The following HORMAD2 variants were observed in gnomAD, a reference collection of about 807,000 sequenced individuals.
The protein encoded by HORMAD2 is HORMA domain-containing protein 2.
HORMAD2 carries 45 observed loss-of-function variants against 38.8 expected under a neutral mutation model. The ratio of observed to expected loss-of-function variants is 1.16; its 90% CI spans 0.91 to 1.49. The LOEUF is 1.49. HORMAD2 is among the 40% of genes most tolerant of loss of function. The pLI is 0.00. For missense variants in HORMAD2, 338 were observed against 367.0 expected (o/e 0.92, Z 0.65); for synonymous variants, 126 against 122.8 (o/e 1.03, Z -0.17).
chr22:30,189,216 G>A, the HORMAD2 span, among the ~76,000 whole-genome samples: 1 of 152,010 alleles, frequency 6.6e-6, no homozygotes, highest in Non-Finnish European at 1.5e-5. Flanking sequence ...TTCGCTTCTA[G>A]TCTTGGGGGA....
At chr22:30,184,426 T>C in the HORMAD2 span, among the ~76,000 whole-genome samples, 1 of 152,230 alleles carries the variant, frequency 6.6e-6, no homozygotes, top group Non-Finnish European at 1.5e-5. Context: ...TTTCACTCAC[T>C]GATGGAGTTT....
chr22:30,131,730 A>C (rs990171546), intron 10 of HORMAD2, among the ~76,000 whole-genome samples: 1 of 152,194 alleles, frequency 6.6e-6, no homozygotes, highest in African/African-American at 2.4e-5. Flanking sequence ...GTGTAATAAA[A>C]ATGGTTTGCA....
intron 1 of HORMAD2, among the ~76,000 whole-genome samples, chr22:30,090,011 A>G (rs577976379): frequency 1.7e-4 from 26 of 152,328 alleles, no homozygotes; most frequent in Admixed American, 3.3e-4. Flanking sequence ...TTCACTTAGC[A>G]TAATGTTTTC....
intron 2 of HORMAD2, 72 bp downstream of exon 2, chr22:30,094,075 T>TTG (rs1415265525): frequency 5.4e-6 from 6 of 1,113,268 alleles, no homozygotes; most frequent in South Asian, 2.9e-5. Flanking sequence ...TTTTAATCTT[T>TTG]TGTGTGTGTG....
chr22:30,177,473 T>A (rs138468367), downstream of HORMAD2, among the ~76,000 whole-genome samples: 17 of 152,286 alleles, frequency 1.1e-4, no homozygotes, highest in Admixed American at 7.8e-4. Context: ...GAGGAGCATT[T>A]CCCCTTCTTT....
Position 30,121,490 on chromosome 22 carries a change from C to T in HORMAD2, c.411-142C>T, listed in dbSNP as rs1250428901. The T allele has an allele frequency of 2.1e-5, 12 of 576,976 alleles. No homozygotes were observed. The East Asian group carries it at 2.9e-4, about 14-fold the overall frequency. The allele number at this position is 576,976 out of a possible 1,614,324, so 35.7% of individuals were successfully genotyped here. ...ATACATTGCAAAAAGTACCATCGCT[C>T]CCCTAATTTACATTCTAAAAAAGTC... On this transcript the variant is annotated intron_variant, in intron 8 of 10. Transcript: ENST00000336726.
At chr22:30,123,643 G>GTATTTATTTATT (rs71198526) in intron 10 of HORMAD2, among the ~76,000 whole-genome samples, 1 of 145,256 alleles carries the variant, frequency 6.9e-6, no homozygotes, top group Non-Finnish European at 1.5e-5. Context: ...CCTCAGCTAG[G>GTATTTATTTATT]TATTTATTTA....
At chr22:30,205,420 C>T in the HORMAD2 span, among the ~76,000 whole-genome samples, 5 of 152,176 alleles carry the variant, frequency 3.3e-5, no homozygotes, top group Non-Finnish European at 7.4e-5. Context: ...TGACCTCAGC[C>T]AGCTACCTCG....
intron 5 of HORMAD2, among the ~76,000 whole-genome samples, chr22:30,105,727 T>C (rs989029169): frequency 2.6e-5 from 4 of 152,242 alleles, no homozygotes; most frequent in Non-Finnish European, 4.4e-5. Context: ...GATCAGCTGT[T>C]ACATACTGAC....
At chr22:30,156,374 G>A (rs1925073984) in intron 10 of HORMAD2, among the ~76,000 whole-genome samples, 1 of 152,114 alleles carries the variant, frequency 6.6e-6, no homozygotes. Flanking sequence ...AAATACTGTA[G>A]CAATCAGTGG....
intron 10 of HORMAD2, among the ~76,000 whole-genome samples, chr22:30,149,851 T>C (rs1924642562): frequency 6.6e-6 from 1 of 152,212 alleles, no homozygotes; most frequent in Non-Finnish European, 1.5e-5. Context: ...AGAAGACAAT[T>C]ATTTTTCATG....
chr22:30,123,152 A>T (rs1476213424), intron 10 of HORMAD2, among the ~76,000 whole-genome samples: 3 of 152,208 alleles, frequency 2.0e-5, no homozygotes, highest in African/African-American at 7.2e-5. Flanking sequence ...TAAATAATAT[A>T]ACCAAACAAG....
chr22:30,125,155 C>T (rs1245516558), intron 10 of HORMAD2, among the ~76,000 whole-genome samples: 11 of 145,648 alleles, frequency 7.6e-5, no homozygotes, highest in Admixed American at 3.4e-4. Context: ...CTTTTTCACT[C>T]ATTTATGTTG....
the HORMAD2 span, among the ~76,000 whole-genome samples, chr22:30,201,159 A>G: frequency 6.6e-6 from 1 of 152,162 alleles, no homozygotes; most frequent in Non-Finnish European, 1.5e-5. Flanking sequence ...TGCCTCTCCT[A>G]GCTTCCAGTG....
At chr22:30,091,204 C>T (rs1415036668) in intron 1 of HORMAD2, among the ~76,000 whole-genome samples, 1 of 151,228 alleles carries the variant, frequency 6.6e-6, no homozygotes, top group Non-Finnish European at 1.5e-5. Flanking sequence ...GTATATATAT[C>T]CTTTCCTTCC....
At chr22:30,201,154 C>T in the HORMAD2 span, among the ~76,000 whole-genome samples, 1 of 152,178 alleles carries the variant, frequency 6.6e-6, no homozygotes, top group Non-Finnish European at 1.5e-5. Flanking sequence ...TTCGATGCCT[C>T]TCCTAGCTTC....
At chr22:30,156,405 T>C (rs1038804498) in intron 10 of HORMAD2, among the ~76,000 whole-genome samples, 3 of 152,204 alleles carry the variant, frequency 2.0e-5, no homozygotes, top group Admixed American at 6.5e-5. Context: ...AAATCATTTT[T>C]GAAAGAACAC....
intron 10 of HORMAD2, among the ~76,000 whole-genome samples, chr22:30,124,237 T>C (rs942215036): frequency 1.3e-5 from 2 of 148,870 alleles, no homozygotes; most frequent in Admixed American, 1.4e-4. Flanking sequence ...CTTTTTGTTT[T>C]CCTTCATGGA....
chr22:30,132,739 C>T (rs1053446988), intron 10 of HORMAD2, among the ~76,000 whole-genome samples: 3 of 152,090 alleles, frequency 2.0e-5, no homozygotes, highest in African/African-American at 7.2e-5. Flanking sequence ...TTGACTTTCC[C>T]ATCAGTCTTA....
Sources: gnomAD v4.1 joint callset for allele counts (sites outside exome capture counted in the v4.1 genomes callset) on GRCh38, gnomAD v4.1.1 for gene constraint, MANE v1.5 for transcripts, NCBI Gene and HGNC (gene_info 2026-07-23, HGNC 2026-07-21) for gene names.